The following CADPS2 variants were observed in gnomAD, a reference collection of about 807,000 sequenced individuals.
CADPS2 encodes the protein calcium-dependent secretion activator 2.
Under a neutral mutation model 172.5 loss-of-function variants are expected in CADPS2, and 93 were observed. The observed-to-expected ratio is 0.54, with a 90% CI of 0.46 to 0.64. The LOEUF is 0.64. Among genes scored for constraint, CADPS2 ranks in the 30% least tolerant of loss-of-function variants. The pLI is 0.00. For synonymous variants in CADPS2, 546 were observed against 555.2 expected (o/e 0.98, Z 0.23); for missense variants, 1,420 against 1,565.9 (o/e 0.91, Z 1.57).
intron 25 of CADPS2, among the ~76,000 whole-genome samples, chr7:122,370,504 T>A (rs761602202): frequency 5.9e-5 from 9 of 152,208 alleles, no homozygotes; most frequent in Non-Finnish European, 1.3e-4. Flanking sequence ...GCACATTCCT[T>A]TAGCATTTTC....
chr7:122,430,680 T>C (rs2049791423), intron 17 of CADPS2, among the ~76,000 whole-genome samples: 1 of 152,254 alleles, frequency 6.6e-6, no homozygotes, highest in Non-Finnish European at 1.5e-5. Flanking sequence ...GGTAGCATTT[T>C]ATAACCCCAA....
intron 6 of CADPS2, among the ~76,000 whole-genome samples, chr7:122,596,043 G>A (rs1369435985): frequency 2.0e-5 from 3 of 152,014 alleles, no homozygotes; most frequent in Non-Finnish European, 4.4e-5. Context: ...AGTGAAACCT[G>A]GTAATCTTCA....
At chr7:122,753,153 C>G (rs933241881) in intron 1 of CADPS2, among the ~76,000 whole-genome samples, 1 of 152,106 alleles carries the variant, frequency 6.6e-6, no homozygotes, top group Admixed American at 6.5e-5. Flanking sequence ...TCACATCTTA[C>G]AAGCACATTT....
intron 8 of CADPS2, among the ~76,000 whole-genome samples, chr7:122,535,263 A>T (rs1362073828): frequency 6.6e-6 from 1 of 152,118 alleles, no homozygotes; most frequent in African/African-American, 2.4e-5. Flanking sequence ...ATGGTCACTT[A>T]TTAGCTATAT....
At chr7:122,627,109 G>A (rs2076159389) in intron 4 of CADPS2, among the ~76,000 whole-genome samples, 1 of 152,200 alleles carries the variant, frequency 6.6e-6, no homozygotes, top group Non-Finnish European at 1.5e-5. Context: ...AGCGAGCCCA[G>A]GCTCTGGAAG....
intron 1 of CADPS2, among the ~76,000 whole-genome samples, chr7:122,797,524 G>C (rs1404845365): frequency 6.6e-6 from 1 of 152,146 alleles, no homozygotes; most frequent in Non-Finnish European, 1.5e-5. Flanking sequence ...CCATAAAAAA[G>C]AACAAGATCA....
intron 2 of CADPS2, among the ~76,000 whole-genome samples, chr7:122,686,153 C>A (rs1387748675): frequency 6.6e-6 from 1 of 152,106 alleles, no homozygotes; most frequent in Non-Finnish European, 1.5e-5. Context: ...ACTGTTCATA[C>A]TTTTCAGTTT....
At chr7:122,540,968 C>T (rs1397126321) in intron 8 of CADPS2, among the ~76,000 whole-genome samples, 2 of 151,648 alleles carry the variant, frequency 1.3e-5, no homozygotes, top group Non-Finnish European at 2.9e-5. Flanking sequence ...GGTCTGAACA[C>T]TATAAATACA....
chr7:122,823,091 G>A (rs1206117481), intron 1 of CADPS2, among the ~76,000 whole-genome samples: 1 of 151,958 alleles, frequency 6.6e-6, no homozygotes, highest in Non-Finnish European at 1.5e-5. Context: ...ATATACCTCT[G>A]GGACATTTGC....
intron 1 of CADPS2, among the ~76,000 whole-genome samples, chr7:122,766,605 T>C (rs2093557498): frequency 6.6e-6 from 1 of 152,152 alleles, no homozygotes; most frequent in African/African-American, 2.4e-5. Flanking sequence ...GTATGTCCTT[T>C]AATAAATCAG....
intron 25 of CADPS2, among the ~76,000 whole-genome samples, chr7:122,361,580 C>A (rs1221268138): frequency 2.0e-5 from 3 of 152,118 alleles, no homozygotes; most frequent in Non-Finnish European, 2.9e-5. Flanking sequence ...TCATAGGAAT[C>A]TAGTCACTAT....
At chr7:122,360,208 C>G (rs909018432) in intron 27 of CADPS2, among the ~76,000 whole-genome samples, 8 of 152,138 alleles carry the variant, frequency 5.3e-5, no homozygotes, top group Non-Finnish European at 1.0e-4. Context: ...AAATGCTGCA[C>G]AACTTGTTGG....
At chr7:122,353,090 A>G (rs1424483526) in intron 27 of CADPS2, among the ~76,000 whole-genome samples, 2 of 152,168 alleles carry the variant, frequency 1.3e-5, no homozygotes, top group African/African-American at 2.4e-5. Context: ...CACAGGGATT[A>G]TAGGTTGGTG....
At chr7:122,569,414 C>T (rs1488097154) in intron 7 of CADPS2, among the ~76,000 whole-genome samples, 2 of 151,916 alleles carry the variant, frequency 1.3e-5, no homozygotes, top group African/African-American at 2.4e-5. Flanking sequence ...ATTCCATGCT[C>T]GTGGATAGGA....
intron 8 of CADPS2, among the ~76,000 whole-genome samples, chr7:122,548,627 G>A (rs1167549842): frequency 6.6e-6 from 1 of 152,128 alleles, no homozygotes; most frequent in African/African-American, 2.4e-5. Flanking sequence ...CTAGCAAATT[G>A]TAGTAAAACA....
At chr7:122,472,168 T>TG (rs886277249) in intron 13 of CADPS2, among the ~76,000 whole-genome samples, 1 of 152,202 alleles carries the variant, frequency 6.6e-6, no homozygotes, top group Admixed American at 6.6e-5. Flanking sequence ...AGCAGGCAGT[T>TG]GATGCGGCTA....
At chr7:122,650,830 T>A (rs904034415) in intron 3 of CADPS2, among the ~76,000 whole-genome samples, 1 of 152,204 alleles carries the variant, frequency 6.6e-6, no homozygotes, top group Non-Finnish European at 1.5e-5. Context: ...AAATTCATTT[T>A]AGTAAAATTA....
At chr7:122,389,205 G>T (rs1044210617) in intron 22 of CADPS2, among the ~76,000 whole-genome samples, 1 of 152,008 alleles carries the variant, frequency 6.6e-6, no homozygotes, top group African/African-American at 2.4e-5. Context: ...GTAGAACATA[G>T]GGTCCTTGAA....
intron 2 of CADPS2, among the ~76,000 whole-genome samples, chr7:122,718,182 C>T (rs780895111): frequency 1.3e-5 from 2 of 151,764 alleles, no homozygotes; most frequent in African/African-American, 2.4e-5. Flanking sequence ...AAGCTAGAAG[C>T]TTTATATATG....
Sources: gnomAD v4.1 joint callset for allele counts (sites outside exome capture counted in the v4.1 genomes callset) on GRCh38, gnomAD v4.1.1 for gene constraint, MANE v1.5 for transcripts, NCBI Gene and HGNC (gene_info 2026-07-23, HGNC 2026-07-21) for gene names.